The following ATP11A variants were observed in gnomAD, a reference collection of about 807,000 sequenced individuals.
ATP11A encodes the protein ATPase phospholipid transporting 11A.
A neutral mutation model predicts 154.4 loss-of-function variants in ATP11A; 81 were observed. That is an observed-to-expected ratio of 0.52 (90% CI 0.44 to 0.63). The LOEUF is 0.63. Ranked by LOEUF, ATP11A falls within the 30% of genes least tolerant of loss-of-function variation. ATP11A has a pLI of 0.00. For synonymous variants in ATP11A, 623 were observed against 585.9 expected, an observed-to-expected ratio of 1.06 and a Z score of -0.91; for missense variants, 1,316 against 1,474.3, an observed-to-expected ratio of 0.89 and a Z score of 1.76.
At chr13:112,840,102 G>A (rs1473764868) in intron 16 of ATP11A, among the ~76,000 whole-genome samples, 2 of 146,980 alleles carry the variant, frequency 1.4e-5, no homozygotes, top group Non-Finnish European at 3.0e-5. Flanking sequence ...GCTCACTCCC[G>A]TGCCCTCCAG....
Position 112,885,413 on chromosome 13 carries a change from A to T in ATP11A, c.*3547A>T, listed in dbSNP as rs2080960682. ...TGCACACGTGCACATTCATGTGTAC[A>T]CCACAAATGAGTTCCCAGACGTGTA... is the stretch of plus-strand genomic sequence containing the variant. On this transcript the variant is annotated 3_prime_UTR_variant, in exon 30 of 30. Coordinates refer to ENST00000375645, the MANE Select transcript of ATP11A (RefSeq NM_015205.3). 1 of 152,188 alleles carries T rather than the reference A, an allele frequency of 6.6e-6. No individual in the cohort carries two copies. The allele number at this position is 152,188 out of a possible 1,614,324, so 9.4% of individuals were successfully genotyped here.
Position 112,697,544 on chromosome 13 carries a change from A to G in ATP11A, c.39+7089A>G, listed in dbSNP as rs1029519610. Among the ~76,000 whole-genome samples, 3 of 152,214 alleles carry G rather than the reference A, an allele frequency of 2.0e-5. No individual in the cohort carries two copies. The highest frequency in any genetic ancestry group is 1.9e-4 in the East Asian group (1 of 5,178). On this transcript the variant is annotated intron_variant, in intron 1 of 29. Coordinates refer to ENST00000375645, the MANE Select transcript of ATP11A (RefSeq NM_015205.3). The surrounding 1 kb of genome is among the most constrained non-coding windows in gnomAD (Gnocchi z 4.0). ...GAGCCAGAGTTCCGAGGGCCTCCTC[A>G]TAGTTTTAAAACTCTTTATTTTATT...
chr13:112,733,884 TC>T (rs1890734141), intron 1 of ATP11A, among the ~76,000 whole-genome samples: 1 of 152,224 alleles, frequency 6.6e-6, no homozygotes, highest in Non-Finnish European at 1.5e-5. Context: ...GTGATTCTTA[TC>T]TTCAGAGCTG....
chr13:112,796,386 T>C (rs951013024), intron 2 of ATP11A, among the ~76,000 whole-genome samples: 2 of 152,156 alleles, frequency 1.3e-5, no homozygotes, highest in East Asian at 3.9e-4. Flanking sequence ...GAGGTGATTA[T>C]AGAACTATTC....
At chr13:112,784,272 A>T (rs2077567322) in intron 1 of ATP11A, among the ~76,000 whole-genome samples, 1 of 152,202 alleles carries the variant, frequency 6.6e-6, no homozygotes, top group African/African-American at 2.4e-5. Context: ...AAGGGGCCGC[A>T]GCTCCTGGCT....
chr13:112,792,629 G>A (rs1443236483), intron 2 of ATP11A, among the ~76,000 whole-genome samples: 1 of 152,190 alleles, frequency 6.6e-6, no homozygotes, highest in Non-Finnish European at 1.5e-5. Flanking sequence ...CTGGTGATAG[G>A]TGATGATAGA....
chr13:112,843,111 G>GCGA, intron 17 of ATP11A, among the ~76,000 whole-genome samples: 1 of 150,334 alleles, frequency 6.7e-6, no homozygotes, highest in African/African-American at 2.5e-5. Flanking sequence ...CTAACGCCGA[G>GCGA]CGACGCATGG....
intron 5 of ATP11A, 34 bp from the exon 6 acceptor site, chr13:112,816,049 T>C (rs1442966953): frequency 6.2e-7 from 1 of 1,613,082 alleles, no homozygotes; most frequent in Non-Finnish European, 8.5e-7. Flanking sequence ...CGGAGGGGCT[T>C]TCCATTGACC....
chr13:112,854,927 T>C (rs1479065107), intron 19 of ATP11A, among the ~76,000 whole-genome samples: 1 of 152,268 alleles, frequency 6.6e-6, no homozygotes, highest in Admixed American at 6.5e-5. Flanking sequence ...GTTGTTCGTC[T>C]AAGACGAAGC....
chr13:112,863,054 C>T (rs2080170155), intron 25 of ATP11A, among the ~76,000 whole-genome samples: 1 of 148,712 alleles, frequency 6.7e-6, no homozygotes, highest in Admixed American at 6.7e-5. Context: ...GCGGCCCATG[C>T]AGCTTCCCAG....
intron 17 of ATP11A, among the ~76,000 whole-genome samples, chr13:112,849,779 C>T (rs377233737): frequency 3.9e-5 from 6 of 152,238 alleles, no homozygotes; most frequent in East Asian, 1.9e-4. Flanking sequence ...CAGTGCCTAA[C>T]AATAGAGGCA....
intron 1 of ATP11A, among the ~76,000 whole-genome samples, chr13:112,767,828 G>A (rs1420439122): frequency 2.0e-5 from 3 of 152,134 alleles, no homozygotes; most frequent in Non-Finnish European, 4.4e-5. Context: ...TTGACCTGAG[G>A]CTCATCCTTG....
chr13:112,864,323 C>T lies in ATP11A; in HGVS notation c.2991+1748C>T, dbSNP rs2080238897. 3.0e-5 allele frequency among the ~76,000 whole-genome samples: 3 copies of T among 100,634 alleles called. 1 individual carries two copies. The highest frequency in any genetic ancestry group is 1.1e-4 in the African/African-American group (3 of 27,170). The allele number at this position is 100,634 out of a possible 152,430, so 66.0% of individuals were successfully genotyped here. On this transcript the variant is annotated intron_variant, in intron 25 of 29. Coordinates refer to ENST00000375645, the MANE Select transcript of ATP11A (RefSeq NM_015205.3). ...AGCTTCCCAGCGGGGTCCATCACCA[C>T]ATGGGCAGTAATTCAGTGCAGGCCA...
intron 1 of ATP11A, among the ~76,000 whole-genome samples, chr13:112,705,010 A>T (rs551445674): frequency 7.2e-5 from 11 of 152,194 alleles, no homozygotes; most frequent in Non-Finnish European, 1.6e-4. Flanking sequence ...TGCCTCACAA[A>T]CGTGGAATAA....
chr13:112,773,862 ACCTCCAC>A (rs529588190), intron 1 of ATP11A, among the ~76,000 whole-genome samples: 40 of 150,934 alleles, frequency 2.7e-4, no homozygotes, highest in East Asian at 7.7e-4. Context: ...TTTCCACGCC[ACCTCCAC>A]CCTCCACCCT....
intron 16 of ATP11A, among the ~76,000 whole-genome samples, chr13:112,840,679 C>T (rs1408994043): frequency 6.6e-6 from 1 of 151,964 alleles, no homozygotes; most frequent in African/African-American, 2.4e-5. Context: ...TTGGCAGCCA[C>T]CTCAGCCACA....
chr13:112,822,387 G>A (rs1401970957), intron 8 of ATP11A, among the ~76,000 whole-genome samples: 1 of 152,186 alleles, frequency 6.6e-6, no homozygotes, highest in Non-Finnish European at 1.5e-5. Flanking sequence ...TTCCATGTGT[G>A]AGATTTTTAA....
chr13:112,830,528 A>C (rs2079057560), intron 12 of ATP11A, among the ~76,000 whole-genome samples: 1 of 152,226 alleles, frequency 6.6e-6, no homozygotes, highest in Non-Finnish European at 1.5e-5. Context: ...GTGAGCCGAG[A>C]TCATACCACT....
At chr13:112,711,508 C>T (rs1419931280) in intron 1 of ATP11A, among the ~76,000 whole-genome samples, 1 of 151,796 alleles carries the variant, frequency 6.6e-6, no homozygotes, top group Non-Finnish European at 1.5e-5. Context: ...AATTTTAAAT[C>T]CACCTGATGA....
Sources: allele counts gnomAD v4.1 joint callset (sites outside exome capture counted in the v4.1 genomes callset), GRCh38; gene constraint gnomAD v4.1.1; non-coding constraint Gnocchi (gnomAD v3.1); transcripts MANE v1.5; gene names NCBI Gene and HGNC (gene_info 2026-07-23, HGNC 2026-07-21).